Variants in CDH13 observed in about 807,000 individuals in gnomAD.
CDH13 encodes the protein cadherin 13, also known as cadherin-13.
Under a neutral mutation model 63.8 loss-of-function variants are expected in CDH13, and 24 were observed. The ratio of observed to expected loss-of-function variants is 0.38; its 90% CI spans 0.27 to 0.53. The LOEUF is 0.53. Ranked by LOEUF, CDH13 falls within the 20% of genes least tolerant of loss-of-function variation. CDH13 has a pLI of 0.85. For missense variants in CDH13, 1,049 were observed against 903.1 expected, an observed-to-expected ratio of 1.16 and a Z score of -2.07; for synonymous variants, 503 against 355.3, an observed-to-expected ratio of 1.42 and a Z score of -4.67.
At chr16:82,684,227 C>T (rs1190071370) in intron 1 of CDH13, among the ~76,000 whole-genome samples, 1 of 152,180 alleles carries the variant, frequency 6.6e-6, no homozygotes, top group Admixed American at 6.5e-5. Context: ...CCCTAGAGCT[C>T]AGATCTAGGA....
At chr16:83,415,190 TA>T in intron 6 of CDH13, among the ~76,000 whole-genome samples, 1 of 147,710 alleles carries the variant, frequency 6.8e-6, no homozygotes, top group East Asian at 2.0e-4. Flanking sequence ...GAAAAATGAG[TA>T]AATTCCTAAA....
At chr16:83,131,475 C>G (rs28723653) in intron 4 of CDH13, among the ~76,000 whole-genome samples, 4 of 152,106 alleles carry the variant, frequency 2.6e-5, no homozygotes, top group South Asian at 2.1e-4. Flanking sequence ...TTCCCCTCCC[C>G]CTTCAAAGTA....
At chr16:82,652,920 C>T (rs746482514) in intron 1 of CDH13, among the ~76,000 whole-genome samples, 2 of 152,114 alleles carry the variant, frequency 1.3e-5, no homozygotes, top group African/African-American at 4.8e-5. Context: ...TGTTCTTCAT[C>T]CCACTCCTTC....
At chr16:83,041,494 G>A (rs940587423) in intron 3 of CDH13, among the ~76,000 whole-genome samples, 22 of 151,928 alleles carry the variant, frequency 1.4e-4, no homozygotes, top group East Asian at 3.9e-4. Flanking sequence ...AAAATATATC[G>A]TCAATTGCCC....
chr16:83,105,361 T>C (rs1387340374), intron 3 of CDH13, among the ~76,000 whole-genome samples: 3 of 152,230 alleles, frequency 2.0e-5, no homozygotes, highest in Non-Finnish European at 2.9e-5. Context: ...GCATCTCCCA[T>C]GGAACCACCA....
chr16:83,225,190 TCA>T (rs1207763334), intron 5 of CDH13, among the ~76,000 whole-genome samples: 4 of 152,202 alleles, frequency 2.6e-5, no homozygotes, highest in African/African-American at 7.2e-5. Context: ...GTCTAAATAA[TCA>T]CACTCTTGGG....
At chr16:82,767,764 C>T (rs976070895) in intron 1 of CDH13, among the ~76,000 whole-genome samples, 2 of 152,184 alleles carry the variant, frequency 1.3e-5, no homozygotes, top group African/African-American at 4.8e-5. Flanking sequence ...GGACACTGGA[C>T]TGCCATCCCA....
At chr16:82,719,130 A>G (rs1420228940) in intron 1 of CDH13, among the ~76,000 whole-genome samples, 1 of 152,122 alleles carries the variant, frequency 6.6e-6, no homozygotes, top group Non-Finnish European at 1.5e-5. Context: ...GTCCTGTGGA[A>G]AGGTTGTTGC....
intron 6 of CDH13, among the ~76,000 whole-genome samples, chr16:83,426,097 C>A (rs2071886757): frequency 6.6e-6 from 1 of 152,090 alleles, no homozygotes; most frequent in African/African-American, 2.4e-5. Context: ...ATCAGTATTC[C>A]CAGGGACCCT....
chr16:83,448,899 A>G (rs1341986198), intron 6 of CDH13, among the ~76,000 whole-genome samples: 3 of 152,196 alleles, frequency 2.0e-5, no homozygotes, highest in Admixed American at 1.3e-4. Flanking sequence ...GTTACTGATG[A>G]CTTTCGAAAG....
At chr16:83,665,302 G>A (rs1043594353) in intron 8 of CDH13, among the ~76,000 whole-genome samples, 1 of 152,158 alleles carries the variant, frequency 6.6e-6, no homozygotes, top group African/African-American at 2.4e-5. Flanking sequence ...CAATTTCTTA[G>A]TAAGAATTTC....
chr16:82,660,949 T>C (rs1911870941), intron 1 of CDH13, among the ~76,000 whole-genome samples: 1 of 151,204 alleles, frequency 6.6e-6, no homozygotes, highest in Admixed American at 6.6e-5. Flanking sequence ...AAAAAAAAAC[T>C]ATTAAGTTCA....
intron 5 of CDH13, among the ~76,000 whole-genome samples, chr16:83,253,876 G>T (rs947217426): frequency 6.6e-6 from 1 of 152,132 alleles, no homozygotes; most frequent in African/African-American, 2.4e-5. Flanking sequence ...TACTTTCTAG[G>T]TATACACATG....
At chr16:83,214,511 C>T (rs1230758060) in intron 4 of CDH13, among the ~76,000 whole-genome samples, 3 of 121,124 alleles carry the variant, frequency 2.5e-5, no homozygotes, top group East Asian at 2.7e-4. Context: ...ACCTGGGAGG[C>T]GGAGGTTGCA....
intron 10 of CDH13, among the ~76,000 whole-genome samples, chr16:83,679,736 T>C (rs1246128593): frequency 6.6e-6 from 1 of 152,162 alleles, no homozygotes; most frequent in Non-Finnish European, 1.5e-5. Context: ...GACTACAAGG[T>C]AGTTGGACAA....
intron 4 of CDH13, among the ~76,000 whole-genome samples, chr16:83,139,391 G>C (rs1278386526): frequency 6.6e-6 from 1 of 152,142 alleles, no homozygotes; most frequent in Non-Finnish European, 1.5e-5. Context: ...TGTGTTCACT[G>C]TTGGCCTTCT....
intron 6 of CDH13, among the ~76,000 whole-genome samples, chr16:83,455,175 C>G (rs977401672): frequency 2.0e-5 from 3 of 152,176 alleles, no homozygotes; most frequent in African/African-American, 7.2e-5. Flanking sequence ...AGACATGAAC[C>G]CACGTATCTC....
At chr16:83,494,866 C>T (rs1034679119) in intron 7 of CDH13, among the ~76,000 whole-genome samples, 5 of 152,120 alleles carry the variant, frequency 3.3e-5, no homozygotes, top group African/African-American at 1.2e-4. Context: ...TTTAGTTGAA[C>T]ACTTTGGGGT....
chr16:83,217,928 G>T (rs961446589), intron 5 of CDH13, among the ~76,000 whole-genome samples: 2 of 152,280 alleles, frequency 1.3e-5, no homozygotes, highest in East Asian at 3.9e-4. Context: ...TTAAATTATG[G>T]CAGATTTTGC....
Sources: allele counts gnomAD v4.1 joint callset (sites outside exome capture counted in the v4.1 genomes callset), GRCh38; gene constraint gnomAD v4.1.1; transcripts MANE v1.5; gene names NCBI Gene and HGNC (gene_info 2026-07-23, HGNC 2026-07-21).